Variants in RMI1 observed in about 807,000 individuals in gnomAD.
RMI1 encodes the protein RecQ mediated genome instability 1, also known as recQ-mediated genome instability protein 1.
In RMI1, 36 loss-of-function variants were observed where a neutral mutation model predicts 46.7. The observed-to-expected ratio is 0.77, with a 90% confidence interval of 0.59 to 1.02. RMI1 has a LOEUF of 1.02. RMI1 is among the 50% of genes least tolerant of loss of function. RMI1 has a pLI of 0.00. For synonymous variants in RMI1, 250 were observed against 252.9 expected, an observed-to-expected ratio of 0.99 and a Z score of 0.11; for missense variants, 676 against 713.7, an observed-to-expected ratio of 0.95 and a Z score of 0.60.
intron 1 of RMI1, among the ~76,000 whole-genome samples, chr9:83,995,708 G>A (rs950685389): frequency 2.0e-5 from 3 of 152,158 alleles, no homozygotes; most frequent in African/African-American, 4.8e-5. Context: ...GATTACAGGC[G>A]TGAGCCACTG....
At chr9:83,983,301 C>T (rs1009320656) in intron 1 of RMI1, among the ~76,000 whole-genome samples, 2 of 152,164 alleles carry the variant, frequency 1.3e-5, no homozygotes, top group African/African-American at 2.4e-5. Flanking sequence ...TCCAGATTCT[C>T]TTTCTGTCTT....
chr9:83,980,779 A>C (rs1957359938), upstream of RMI1: 1 of 152,320 alleles, frequency 6.6e-6, no homozygotes, highest in African/African-American at 2.4e-5. Context: ...GCGCGCGGCA[A>C]ATCGGGCGGG....
chr9:83,984,449 T>G (rs914599190), intron 1 of RMI1, among the ~76,000 whole-genome samples: 4 of 151,732 alleles, frequency 2.6e-5, no homozygotes, highest in African/African-American at 7.3e-5. Flanking sequence ...TTTTTGTATT[T>G]TTAGTAGAGA....
intron 1 of RMI1, chr9:83,992,944 T>C (rs1403951383): frequency 6.6e-6 from 1 of 152,192 alleles, no homozygotes; most frequent in Non-Finnish European, 1.5e-5. Flanking sequence ...CTGGTCTGAT[T>C]GCAGTGATGT....
intron 1 of RMI1, among the ~76,000 whole-genome samples, chr9:83,990,770 A>G (rs535552325): frequency 1.3e-5 from 2 of 152,190 alleles, no homozygotes; most frequent in South Asian, 2.1e-4. Context: ...TATTTTGCTC[A>G]TTTTAATATT....
chr9:83,987,319 C>G (rs772863089), intron 1 of RMI1, among the ~76,000 whole-genome samples: 17 of 152,232 alleles, frequency 1.1e-4, no homozygotes, highest in Non-Finnish European at 2.2e-4. Flanking sequence ...TCCCAAAGTG[C>G]TAGGGTTACA....
rs200801234 is a variant in RMI1 at position 84,002,208 on chromosome 9, G to A, written c.1222G>A (p.Val408Ile). 1.9e-6 allele frequency: 3 copies of A among 1,613,118 alleles called. No homozygotes were observed. Among genetic ancestry groups the A allele is most frequent in the Admixed American group, 3.3e-5 (2 of 59,802 alleles). The change falls in exon 3 of 3, where the codon GTA becomes ATA. Residue 408 changes from valine (V) to isoleucine (I), a missense_variant. Coordinates refer to ENST00000445877, the MANE Select transcript of RMI1 (RefSeq NM_001358291.2). ...NRSIFSVHCN[V>I]PLAHDFTNKE... The stretch of plus-strand genomic sequence containing the variant: ...GAGTATTTTTTCAGTTCATTGTAAT[G>A]TACCCTTAGCCCATGATTTTACAAA...
intron 1 of RMI1, among the ~76,000 whole-genome samples, chr9:83,985,397 G>A (rs1564078617): frequency 1.3e-5 from 2 of 152,050 alleles, no homozygotes; most frequent in Non-Finnish European, 2.9e-5. Context: ...TTGACTTTTT[G>A]GTAAAATATT....
chr9:83,985,701 C>T (rs1212695819), intron 1 of RMI1, among the ~76,000 whole-genome samples: 1 of 151,928 alleles, frequency 6.6e-6, no homozygotes, highest in African/African-American at 2.4e-5. Context: ...GGAGTTTTGC[C>T]ACTTGCGGTG....
rs1049615211 is a variant in RMI1, at chr9:84,002,825, G to T, written c.1839G>T (p.Met613Ile). The change falls in exon 3 of 3, where the codon ATG becomes ATT. Residue 613 changes from methionine (M) to isoleucine (I), a missense_variant. Met to Ile is a conservative substitution (Grantham distance 10, BLOSUM62 1). Transcript: ENST00000445877. ...TACTGGCATTACAAGATGTTAATATGGAACACCTTGAGAATCTAAAGAAGC... is the reference window on the plus strand; with the variant it reads ...TACTGGCATTACAAGATGTTAATATTGAACACCTTGAGAATCTAAAGAAGC... Reference protein sequence around the residue: ...AMVLALQDVNMEHLENLKKRL... With the variant: ...AMVLALQDVNIEHLENLKKRL... 9.5e-6 allele frequency: 15 copies of T among 1,577,316 alleles called. No individual in the cohort carries two copies. Among genetic ancestry groups the T allele is most frequent in the Non-Finnish European group, 1.2e-5 (14 of 1,154,142 alleles).
chr9:84,000,830 C>G (rs6559754), intron 2 of RMI1, 121 bp from the exon 3 acceptor site: 240,871 of 540,168 alleles, frequency 0.45, 55,827 homozygotes, highest in Admixed American at 0.59. Flanking sequence ...CAATTTCGAC[C>G]ATGTAAGATG....
rs1015674703 is a variant in RMI1 at position 84,003,943 on chromosome 9, T to C, written c.*1079T>C. The C allele has an allele frequency of 6.0e-6, 1 of 165,906 alleles. No homozygotes were observed. Among genetic ancestry groups the C allele is most frequent in the Non-Finnish European group, 1.5e-5 (1 of 68,080 alleles). The allele number at this position is 165,906 out of a possible 1,614,324, so 10.3% of individuals were successfully genotyped here. On this transcript the variant is annotated 3_prime_UTR_variant, in exon 3 of 3. Coordinates refer to ENST00000445877, the MANE Select transcript of RMI1 (RefSeq NM_001358291.2). ...TTTTTTTTAAAAAAAAGAGGGACTG[T>C]TTACCATTCTTCCACTGTGCTGTTA...
At chr9:83,981,220 G>A (rs1019743693) in intron 1 of RMI1, among the ~76,000 whole-genome samples, 7 of 152,240 alleles carry the variant, frequency 4.6e-5, no homozygotes, top group South Asian at 2.1e-4. Context: ...GGTTTCACAG[G>A]GCTCTCGGTT....
In RMI1 at chr9:84,001,021, C is replaced by G; in HGVS notation, c.35C>G (p.Thr12Ser). Residue 12 changes from threonine to serine, a missense_variant, in exon 3 of 3, where the codon ACT becomes AGT. Physicochemically the swap from Thr to Ser is moderately conservative, Grantham distance 58. Coordinates refer to ENST00000445877, the MANE Select transcript of RMI1 (RefSeq NM_001358291.2). ...NVTSIALRAE[T>S]WLLAAWHVKV... ...ACTAGTATTGCATTAAGAGCTGAAA[C>G]TTGGCTTTTAGCTGCATGGCATGTT... 1 of 1,612,158 alleles carries G rather than the reference C, an allele frequency of 6.2e-7. No individual in the cohort carries two copies. Among genetic ancestry groups the G allele is most frequent in the Non-Finnish European group, 8.5e-7 (1 of 1,179,066 alleles).
chr9:83,991,330 T>C (rs1014863334), intron 1 of RMI1, among the ~76,000 whole-genome samples: 1 of 151,704 alleles, frequency 6.6e-6, no homozygotes, highest in Non-Finnish European at 1.5e-5. Context: ...AACTAATATT[T>C]TTTAGAGACA....
intron 1 of RMI1, among the ~76,000 whole-genome samples, chr9:83,982,797 A>T (rs947005237): frequency 2.0e-5 from 3 of 151,664 alleles, no homozygotes; most frequent in African/African-American, 7.3e-5. Context: ...TTTTCCCCCC[A>T]TTTGATTTCT....
At chr9:83,996,438 C>A (rs756546002) in intron 1 of RMI1, among the ~76,000 whole-genome samples, 1 of 152,144 alleles carries the variant, frequency 6.6e-6, no homozygotes, top group Non-Finnish European at 1.5e-5. Context: ...GCTAAGTGCC[C>A]TTTTCCTGGG....
At chr9:83,998,710 G>C (rs1008069981) in intron 1 of RMI1, among the ~76,000 whole-genome samples, 4 of 152,180 alleles carry the variant, frequency 2.6e-5, no homozygotes, top group East Asian at 3.8e-4. Flanking sequence ...AAGGTGAGCT[G>C]TATTAGCATT....
intron 1 of RMI1, among the ~76,000 whole-genome samples, chr9:83,998,578 C>T (rs1044773842): frequency 6.6e-6 from 1 of 152,194 alleles, no homozygotes; most frequent in African/African-American, 2.4e-5. Context: ...TGTTCAACTG[C>T]TAGCATTAGA....
Sources: allele counts gnomAD v4.1 joint callset (sites outside exome capture counted in the v4.1 genomes callset), GRCh38; gene constraint gnomAD v4.1.1; transcripts MANE v1.5; gene names NCBI Gene and HGNC (gene_info 2026-07-23, HGNC 2026-07-21).